Variants in PCSK5 observed in about 807,000 individuals in gnomAD.
PCSK5 encodes prohormone convertase 5.
In PCSK5, 129 loss-of-function variants were observed where a neutral mutation model predicts 233.2. That is an observed-to-expected ratio of 0.55 (90% CI 0.48 to 0.64). PCSK5 has a LOEUF of 0.64. Ranked by LOEUF, PCSK5 falls within the 30% of genes least tolerant of loss-of-function variation. PCSK5 has a pLI of 0.00. For missense variants in PCSK5, 2,076 were observed against 2,430.1 expected, an observed-to-expected ratio of 0.85 and a Z score of 3.06; for synonymous variants, 825 against 879.2, an observed-to-expected ratio of 0.94 and a Z score of 1.09.
In PCSK5 at chr9:76,195,833, A is replaced by G. The variant is rs1405837944; in HGVS notation, c.2626+6087A>G. On this transcript the variant is annotated intron_variant, in intron 20 of 37. Transcript: ENST00000674117. ...AACGGTTGTAACTGATACTGGCCAA[A>G]ATCAATGTTATTCCATATTTTATTT... The G allele has an allele frequency of 2.0e-5, 3 of 152,172 alleles. No individual in the cohort carries two copies. In the South Asian group the frequency reaches 6.2e-4, roughly 32 times the overall value. The allele number at this position is 152,172 out of a possible 1,614,324, so 9.4% of individuals were successfully genotyped here. A position where few individuals can be genotyped will look rare whatever the true frequency, so the allele number is the denominator to read the frequency against.
intron 2 of PCSK5, among the ~76,000 whole-genome samples, chr9:75,961,008 G>A (rs1825330479): frequency 6.6e-6 from 1 of 152,232 alleles, no homozygotes; most frequent in East Asian, 1.9e-4. Flanking sequence ...AAGAGGTAAA[G>A]TACCAGAGGA....
At chr9:76,331,191 C>T (rs539107563) in intron 33 of PCSK5, among the ~76,000 whole-genome samples, 75 of 152,248 alleles carry the variant, frequency 4.9e-4, no homozygotes, top group African/African-American at 1.7e-3. Flanking sequence ...TTTTGGACAT[C>T]GTGGTAGACT....
At chr9:76,193,215 C>T in intron 20 of PCSK5, 3 of 1,610,638 alleles carry the variant, frequency 1.9e-6, no homozygotes, top group Non-Finnish European at 2.5e-6. Context: ...CTCCCCTTCT[C>T]TCTTGCTGAC....
At chr9:76,210,959 T>C (rs1825307713) in intron 20 of PCSK5, among the ~76,000 whole-genome samples, 1 of 152,108 alleles carries the variant, frequency 6.6e-6, no homozygotes, top group Non-Finnish European at 1.5e-5. Flanking sequence ...GATTGGATGA[T>C]GGTGGCACTC....
intron 24 of PCSK5, among the ~76,000 whole-genome samples, chr9:76,282,706 G>A (rs1827921380): frequency 6.6e-6 from 1 of 152,116 alleles, no homozygotes. Flanking sequence ...GCCGAGGTTT[G>A]GGGTATGAAT....
intron 5 of PCSK5, among the ~76,000 whole-genome samples, chr9:76,044,008 T>A (rs1208486672): frequency 2.6e-5 from 4 of 152,200 alleles, no homozygotes; most frequent in South Asian, 2.1e-4. Flanking sequence ...CAGTTTTTTT[T>A]AAATAAAAAA....
In PCSK5 at chr9:76,284,807, C is replaced by T. The variant is rs141079623; in HGVS notation, c.3143-7426C>T. ...TCAGCCTCCCAAAGTGCTGGGATTACAGGCTTGAGCCACTGCGCCTGGCCA... is the reference window on the plus strand; with the variant it reads ...TCAGCCTCCCAAAGTGCTGGGATTATAGGCTTGAGCCACTGCGCCTGGCCA... On this transcript the variant is annotated intron_variant, in intron 24 of 37. Coordinates refer to ENST00000674117, the MANE Select transcript of PCSK5 (RefSeq NM_001372043.1). Among the ~76,000 whole-genome samples the T allele has an allele frequency of 8.6e-3, 1,315 of 152,244 alleles. 14 individuals are homozygous for T. Among genetic ancestry groups the T allele is most frequent in the African/African-American group, 0.03 (1,252 of 41,544 alleles).
intron 24 of PCSK5, among the ~76,000 whole-genome samples, chr9:76,291,836 G>A (rs1587841506): frequency 6.6e-6 from 1 of 152,146 alleles, no homozygotes; most frequent in South Asian, 2.1e-4. Context: ...GGTAACTGAT[G>A]GAAAACCCTC....
At chr9:76,088,192 A>G (rs1175952915) in intron 7 of PCSK5, among the ~76,000 whole-genome samples, 1 of 152,210 alleles carries the variant, frequency 6.6e-6, no homozygotes, top group Non-Finnish European at 1.5e-5. Context: ...GACCAGTAGC[A>G]GGGCCAGGAA....
chr9:76,323,931 G>T (rs1382492685), intron 32 of PCSK5, among the ~76,000 whole-genome samples: 1 of 83,528 alleles, frequency 1.2e-5, no homozygotes. Context: ...CTTCCTGGGT[G>T]ATTTTTTTTT....
intron 3 of PCSK5, among the ~76,000 whole-genome samples, chr9:76,003,854 G>C (rs1396429554): frequency 6.6e-6 from 1 of 152,012 alleles, no homozygotes; most frequent in Non-Finnish European, 1.5e-5. Context: ...TGTCACCCAG[G>C]CTGGAGTACA....
rs760984397 is a variant in PCSK5 at position 75,932,364 on chromosome 9, A to G, written c.193-15A>G. 16 of 1,467,386 alleles carry G rather than the reference A, an allele frequency of 1.1e-5. No individual in the cohort carries two copies. The highest frequency in any genetic ancestry group is 1.5e-5 in the Non-Finnish European group (16 of 1,050,162). The allele number at this position is 1,467,386 out of a possible 1,614,324, so 90.9% of individuals were successfully genotyped here. On this transcript the variant is annotated splice_polypyrimidine_tract_variant and intron_variant, in intron 1 of 37. Coordinates refer to ENST00000674117, the MANE Select transcript of PCSK5 (RefSeq NM_001372043.1). ...GTCTTTTTTTTGTTCTTTCCTTCCCACCCTTCCTTTGCAGATAGGGGCCCT... is the reference window on the plus strand; with the variant it reads ...GTCTTTTTTTTGTTCTTTCCTTCCCGCCCTTCCTTTGCAGATAGGGGCCCT...
chr9:76,227,269 T>C lies in PCSK5; in HGVS notation c.2627-234T>C, dbSNP rs147006335. Among the ~76,000 whole-genome samples, 366 of 152,312 alleles carry C rather than the reference T, an allele frequency of 2.4e-3. 1 individual carries two copies. Among genetic ancestry groups the C allele is most frequent in the African/African-American group, 8.4e-3 (351 of 41,574 alleles). On this transcript the variant is annotated intron_variant, in intron 20 of 37. Coordinates refer to ENST00000674117, the MANE Select transcript of PCSK5 (RefSeq NM_001372043.1). The stretch of plus-strand genomic sequence containing the variant: ...CACATGTTGACTAGATTCAGAAATA[T>C]GTCATTGCCTCATAACTTTTTGAGG...
chr9:76,243,895 C>G (rs1385778987), intron 24 of PCSK5, among the ~76,000 whole-genome samples: 2 of 152,058 alleles, frequency 1.3e-5, no homozygotes, highest in East Asian at 3.8e-4. Flanking sequence ...GTTTATGAAC[C>G]AAGAAGAAGA....
chr9:76,040,226 CT>C, intron 5 of PCSK5, among the ~76,000 whole-genome samples: 1 of 152,260 alleles, frequency 6.6e-6, no homozygotes, highest in East Asian at 1.9e-4. Context: ...TTCATGTACT[CT>C]AGGGCACAGG....
intron 2 of PCSK5, among the ~76,000 whole-genome samples, chr9:75,974,101 C>T (rs1258435958): frequency 6.6e-6 from 1 of 152,140 alleles, no homozygotes; most frequent in African/African-American, 2.4e-5. Context: ...GCCTCAGCCC[C>T]AGGGCTCCTC....
chr9:76,026,610 T>C (rs2277180), intron 4 of PCSK5, among the ~76,000 whole-genome samples: 17,180 of 152,094 alleles, frequency 0.11, 1,047 homozygotes, highest in East Asian at 0.19. Flanking sequence ...GTAGTCAAGG[T>C]GTACCTCAGA....
At chr9:76,169,620 C>G (rs1184235668) in intron 12 of PCSK5, 84 bp from the exon 13 acceptor site, 1 of 1,394,284 alleles carries the variant, frequency 7.2e-7, no homozygotes, top group Non-Finnish European at 1.0e-6. Flanking sequence ...CTAATGGATA[C>G]AAAAAACAGT....
At chr9:76,045,700 A>G (rs1456309993) in intron 5 of PCSK5, among the ~76,000 whole-genome samples, 1 of 152,240 alleles carries the variant, frequency 6.6e-6, no homozygotes, top group Non-Finnish European at 1.5e-5. Flanking sequence ...TCTTTAACTC[A>G]TTGTGATTTA....
Sources: allele counts gnomAD v4.1 joint callset (sites outside exome capture counted in the v4.1 genomes callset), GRCh38; gene constraint gnomAD v4.1.1; transcripts MANE v1.5; gene names NCBI Gene and HGNC (gene_info 2026-07-23, HGNC 2026-07-21).